Variants in PDE4B observed in about 807,000 individuals in gnomAD.
The protein encoded by PDE4B is phosphodiesterase 4B.
In PDE4B, 20 loss-of-function variants were observed where a neutral mutation model predicts 82.2. The observed-to-expected ratio is 0.24, with a 90% CI of 0.17 to 0.35. The LOEUF is 0.35. PDE4B is among the 10% of genes least tolerant of loss of function. The probability of loss-of-function intolerance (pLI) is 1.00; values close to 1 mark genes in which losing one functional copy is unlikely to be tolerated. For synonymous variants in PDE4B, 320 were observed against 318.9 expected (o/e 1.00, Z -0.04); for missense variants, 655 against 907.2 (o/e 0.72, Z 3.57).
Position 65,830,720 on chromosome 1 carries a change from A to T in PDE4B, c.-71+37472A>T, listed in dbSNP as rs545766542. Among the ~76,000 whole-genome samples, 10 of 152,290 alleles carry T rather than the reference A, an allele frequency of 6.6e-5. No individual in the cohort carries two copies. In the East Asian group the frequency reaches 1.5e-3, roughly 23 times the overall value. ...GACAACAGAAGAGCATGGTAAGGAG[A>T]CATGACATTTCAGTGCAATGTGATC... On this transcript the variant is annotated intron_variant, in intron 1 of 16. Transcript: ENST00000341517.
At chr1:65,948,405 C>G (rs941684679) in intron 3 of PDE4B, among the ~76,000 whole-genome samples, 25 of 152,012 alleles carry the variant, frequency 1.6e-4, no homozygotes, top group Middle Eastern at 3.4e-3. Context: ...GCAAGGATAG[C>G]CAGTCTGAGT....
At chr1:65,805,126 G>A (rs1645740638) in intron 1 of PDE4B, among the ~76,000 whole-genome samples, 1 of 151,898 alleles carries the variant, frequency 6.6e-6, no homozygotes, top group Non-Finnish European at 1.5e-5. Flanking sequence ...CACCAAGCCT[G>A]GATAAGTTTT....
At chr1:65,950,006 C>T (rs1284652195) in intron 3 of PDE4B, among the ~76,000 whole-genome samples, 1 of 152,042 alleles carries the variant, frequency 6.6e-6, no homozygotes, top group Non-Finnish European at 1.5e-5. Context: ...ATTTTGTTTT[C>T]TCTTGTTCTT....
chr1:65,884,753 A>T (rs1646752301), intron 1 of PDE4B, among the ~76,000 whole-genome samples: 1 of 152,230 alleles, frequency 6.6e-6, no homozygotes, highest in African/African-American at 2.4e-5. Flanking sequence ...AAACCATGAA[A>T]ACCCTAGAGG....
intron 7 of PDE4B, among the ~76,000 whole-genome samples, chr1:66,269,291 A>G (rs1486606250): frequency 6.6e-6 from 1 of 152,238 alleles, no homozygotes; most frequent in Non-Finnish European, 1.5e-5. Flanking sequence ...TTTGAATAAG[A>G]AAGCCAGAGT....
At chr1:65,893,984 G>T (rs1449710175) in intron 1 of PDE4B, among the ~76,000 whole-genome samples, 1 of 151,974 alleles carries the variant, frequency 6.6e-6, no homozygotes, top group Non-Finnish European at 1.5e-5. Flanking sequence ...TGGACTTTGG[G>T]TACTTGCAGG....
intron 1 of PDE4B, among the ~76,000 whole-genome samples, chr1:65,819,444 T>C (rs1472522977): frequency 6.6e-6 from 1 of 152,142 alleles, no homozygotes; most frequent in African/African-American, 2.4e-5. Context: ...TTTATATAAC[T>C]TGGTCTCAGA....
chr1:66,341,761 C>G (rs75134440), intron 8 of PDE4B, among the ~76,000 whole-genome samples: 10 of 152,154 alleles, frequency 6.6e-5, no homozygotes, highest in African/African-American at 2.4e-4. Flanking sequence ...CTTGGGTTCT[C>G]TCTGCCACTT....
At chr1:66,141,435 G>A (rs1199010251) in intron 3 of PDE4B, among the ~76,000 whole-genome samples, 1 of 148,934 alleles carries the variant, frequency 6.7e-6, no homozygotes, top group Non-Finnish European at 1.5e-5. Flanking sequence ...CTTTATTTTA[G>A]TGAATAAGTC....
chr1:65,926,378 C>G (rs55824844), intron 3 of PDE4B, among the ~76,000 whole-genome samples: 26,180 of 152,070 alleles, frequency 0.17, 2,826 homozygotes, highest in Non-Finnish European at 0.24. Flanking sequence ...GATCTTAGGT[C>G]CTTTCATCCC....
chr1:66,158,833 C>T (rs1646553185), intron 3 of PDE4B, among the ~76,000 whole-genome samples: 1 of 151,972 alleles, frequency 6.6e-6, no homozygotes, highest in Admixed American at 6.6e-5. Context: ...GTGAAATAAG[C>T]TAGGCACAGA....
At chr1:66,076,022 C>CT (rs950737789) in intron 3 of PDE4B, among the ~76,000 whole-genome samples, 6 of 149,508 alleles carry the variant, frequency 4.0e-5, no homozygotes, top group Admixed American at 6.7e-5. Context: ...TTCTTTCTTT[C>CT]TTTTTTTTTT....
At chr1:66,071,730 A>G (rs1033571957) in intron 3 of PDE4B, among the ~76,000 whole-genome samples, 4 of 152,066 alleles carry the variant, frequency 2.6e-5, no homozygotes, top group African/African-American at 9.7e-5. Context: ...GTTATGACAG[A>G]TTTTTTGTAT....
chr1:66,336,695 T>A (rs1204424995), intron 8 of PDE4B, among the ~76,000 whole-genome samples: 1 of 134,478 alleles, frequency 7.4e-6, no homozygotes, highest in Admixed American at 7.9e-5. Flanking sequence ...CTTGAGTAAA[T>A]GTTTGCTAAG....
chr1:66,079,051 T>A (rs2100952273), intron 3 of PDE4B, among the ~76,000 whole-genome samples: 1 of 152,188 alleles, frequency 6.6e-6, no homozygotes, highest in South Asian at 2.1e-4. Flanking sequence ...CCAGAGAGCC[T>A]GCACATCTTT....
chr1:66,324,623 C>T (rs1206975378), intron 7 of PDE4B, among the ~76,000 whole-genome samples: 1 of 152,090 alleles, frequency 6.6e-6, no homozygotes, highest in Non-Finnish European at 1.5e-5. Flanking sequence ...TCAAAATGAC[C>T]TACTTTTCAC....
Position 65,918,747 on chromosome 1 carries a change from A to T in PDE4B, c.193A>T (p.Thr65Ser), listed in dbSNP as rs780097876. Residue 65 changes from threonine to serine, a missense_variant, in exon 3 of 17, where the codon ACT becomes TCT. Coordinates refer to ENST00000341517, the MANE Select transcript of PDE4B (RefSeq NM_002600.4). ...TCAAAGACAGAGTGAAAGGGCAAGG[A>T]CTCCTGAGGGAGATGGTATTTCCAG... Reference protein sequence around the residue: ...LSQRQSERARTPEGDGISRPT... With the variant: ...LSQRQSERARSPEGDGISRPT... 4 of 1,613,844 alleles carry T rather than the reference A, an allele frequency of 2.5e-6. No individual in the cohort carries two copies. In the South Asian group the frequency reaches 4.4e-5, roughly 18 times the overall value.
chr1:66,334,873 G>A (rs1451640971), intron 8 of PDE4B, among the ~76,000 whole-genome samples: 2 of 152,118 alleles, frequency 1.3e-5, no homozygotes, highest in East Asian at 1.9e-4. Context: ...TTGGGAGGTC[G>A]AGGCAGCACT....
chr1:66,020,989 CT>C (rs1471962781), intron 3 of PDE4B, among the ~76,000 whole-genome samples: 1 of 152,164 alleles, frequency 6.6e-6, no homozygotes, highest in Admixed American at 6.5e-5. Context: ...TGTTTCCTGA[CT>C]TTTTAATGAT....
Sources: allele counts gnomAD v4.1 joint callset (sites outside exome capture counted in the v4.1 genomes callset), GRCh38; gene constraint gnomAD v4.1.1; transcripts MANE v1.5; gene names NCBI Gene and HGNC (gene_info 2026-07-23, HGNC 2026-07-21).